LRRC69: variants seen among roughly 807,000 people sequenced by gnomAD.
LRRC69 encodes the protein leucine rich repeat containing 69.
A neutral mutation model predicts 37.8 loss-of-function variants in LRRC69; 42 were observed. The observed-to-expected ratio is 1.11, with a 90% CI of 0.87 to 1.44. The LOEUF (loss-of-function observed/expected upper bound fraction) is 1.44. Among genes scored for constraint, LRRC69 ranks in the 40% most tolerant of loss-of-function variants. The pLI, the probability that LRRC69 is intolerant of heterozygous loss-of-function variation, is 0.00. For missense variants in LRRC69, 357 were observed against 401.9 expected, an observed-to-expected ratio of 0.89 and a Z score of 0.96; for synonymous variants, 141 against 143.1, an observed-to-expected ratio of 0.99 and a Z score of 0.11.
At chr8:91,128,698 T>A (rs1385743135) in intron 3 of LRRC69, among the ~76,000 whole-genome samples, 5 of 152,020 alleles carry the variant, frequency 3.3e-5, no homozygotes, top group Non-Finnish European at 7.4e-5. Context: ...TAAAAGGTAT[T>A]AGGGTTGAGT....
At chr8:91,180,837 G>A (rs532887245) in intron 5 of LRRC69, among the ~76,000 whole-genome samples, 2 of 152,250 alleles carry the variant, frequency 1.3e-5, no homozygotes, top group South Asian at 4.1e-4. Flanking sequence ...TCATAAGAAG[G>A]GGGCTAAAGA....
At chr8:91,185,242 C>A (rs969045643) in intron 5 of LRRC69, among the ~76,000 whole-genome samples, 9 of 152,088 alleles carry the variant, frequency 5.9e-5, no homozygotes, top group African/African-American at 2.2e-4. Flanking sequence ...GGCTTTAAGG[C>A]CTAGGGTACA....
chr8:91,135,775 A>C, intron 5 of LRRC69, 36 bp downstream of exon 5: 1 of 1,217,046 alleles, frequency 8.2e-7, no homozygotes, highest in South Asian at 1.8e-5. Flanking sequence ...ATTGAAAAAT[A>C]ATTTTGTTTA....
At chr8:91,135,212 G>A (rs1813888556) in intron 4 of LRRC69, among the ~76,000 whole-genome samples, 1 of 152,052 alleles carries the variant, frequency 6.6e-6, no homozygotes, top group South Asian at 2.1e-4. Context: ...CTCCCTTCAA[G>A]GATTTGCTGC....
At chr8:91,154,900 AG>A (rs1218959746) in intron 5 of LRRC69, among the ~76,000 whole-genome samples, 1 of 151,628 alleles carries the variant, frequency 6.6e-6, no homozygotes, top group Non-Finnish European at 1.5e-5. Context: ...AAAGAAATAA[AG>A]GGTTTTCAAA....
At position 91,158,382 on chromosome 8, in the gene LRRC69, C is replaced by T. The variant is rs61733743; in HGVS notation, c.651+22643C>T. ...TGGTATTTAGATGACAACATCAAAA[C>T]AAACTCTGATCACCCCAAGAAAGTA... On this transcript the variant is annotated intron_variant, in intron 5 of 7. Coordinates refer to ENST00000448384, the Ensembl canonical transcript of LRRC69. The T allele has an allele frequency of 5.2e-4, 731 of 1,414,148 alleles. 2 individuals carry two copies. In the African/African-American group the frequency reaches 9.4e-3, roughly 18 times the overall value. The allele number at this position is 1,414,148 out of a possible 1,614,324, so 87.6% of individuals were successfully genotyped here.
intron 7 of LRRC69, among the ~76,000 whole-genome samples, chr8:91,214,301 T>C (rs1809997183): frequency 6.6e-6 from 1 of 152,144 alleles, no homozygotes; most frequent in African/African-American, 2.4e-5. Context: ...ATCTTAGACA[T>C]GTTGAGTTTC....
chr8:91,157,908 A>T (rs1217557119), intron 5 of LRRC69: 7 of 1,571,926 alleles, frequency 4.5e-6, no homozygotes, highest in Non-Finnish European at 6.1e-6. Context: ...GGCTCAAAGT[A>T]CAAGAAAGTT....
rs1476110346 is a variant in LRRC69, at chr8:91,157,388, C to G, written c.651+21649C>G. 3 of 1,607,380 alleles carry G rather than the reference C, an allele frequency of 1.9e-6. No individual in the cohort carries two copies. In the African/African-American group the frequency reaches 4.0e-5, roughly 22 times the overall value. ...ACTAATGCAGATCCTGTATGTCTAG[C>G]TAAGATGTATTATTCTGCTGTGGAT... On this transcript the variant is annotated intron_variant, in intron 5 of 7. Transcript: ENST00000448384.
intron 5 of LRRC69, among the ~76,000 whole-genome samples, chr8:91,141,630 T>C (rs546357026): frequency 6.6e-6 from 1 of 152,206 alleles, no homozygotes; most frequent in South Asian, 2.1e-4. Context: ...GATGTTGCTG[T>C]ATAGAAACTT....
chr8:91,164,595 C>G (rs182884540), intron 5 of LRRC69, among the ~76,000 whole-genome samples: 6 of 151,622 alleles, frequency 4.0e-5, no homozygotes, highest in African/African-American at 1.4e-4. Context: ...TATATAAAAA[C>G]AAACAATGGT....
chr8:91,172,759 C>T lies in LRRC69; in HGVS notation c.652-16763C>T, dbSNP rs989586013. Among the ~76,000 whole-genome samples, 10 of 152,018 alleles carry T rather than the reference C, an allele frequency of 6.6e-5. 1 individual carries two copies. Among genetic ancestry groups the T allele is most frequent in the East Asian group, 1.9e-4 (1 of 5,164 alleles). On this transcript the variant is annotated intron_variant, in intron 5 of 7. Transcript: ENST00000448384. The stretch of plus-strand genomic sequence containing the variant: ...CGAATTCCTGACCTCGTGATCAGCC[C>T]GCCTCAGCCTCCCAAAGTGCTGGAA...
intron 5 of LRRC69, among the ~76,000 whole-genome samples, chr8:91,139,464 G>A (rs968204972): frequency 3.3e-5 from 5 of 151,564 alleles, no homozygotes; most frequent in Non-Finnish European, 7.4e-5. Context: ...TAGTAGAGAC[G>A]GAGTTTCTCC....
At position 91,152,666 on chromosome 8, in the gene LRRC69, A is replaced by G. The variant is rs908913255; in HGVS notation, c.651+16927A>G. ...GTAGTTTTCTCTAATTCTGTGAAGAATGTCAATGGTAATTTGATGGGTATA... is the reference window on the plus strand; with the variant it reads ...GTAGTTTTCTCTAATTCTGTGAAGAGTGTCAATGGTAATTTGATGGGTATA... On this transcript the variant is annotated intron_variant, in intron 5 of 7. Transcript: ENST00000448384. Among the ~76,000 whole-genome samples, 3 of 151,688 alleles carry G rather than the reference A, an allele frequency of 2.0e-5. No individual in the cohort carries two copies. The Admixed American group carries it at 2.0e-4, about 10-fold the overall frequency.
intron 1 of LRRC69, among the ~76,000 whole-genome samples, chr8:91,116,613 G>A (rs1030271198): frequency 7.2e-5 from 11 of 151,854 alleles, no homozygotes; most frequent in Admixed American, 2.6e-4. Context: ...TTAAAGATGC[G>A]CAGTGTATTA....
At chr8:91,206,215 A>G (rs886482052) in intron 7 of LRRC69, among the ~76,000 whole-genome samples, 1 of 152,232 alleles carries the variant, frequency 6.6e-6, no homozygotes, top group Non-Finnish European at 1.5e-5. Context: ...TCTATGTATC[A>G]TAAGAAAAAT....
chr8:91,108,596 G>A (rs952636898), intron 1 of LRRC69, among the ~76,000 whole-genome samples: 11 of 152,028 alleles, frequency 7.2e-5, no homozygotes, highest in Admixed American at 3.9e-4. Flanking sequence ...TTGTGAAAAC[G>A]TGCAACTGAG....
chr8:91,153,503 T>A (rs1383604380), intron 5 of LRRC69, among the ~76,000 whole-genome samples: 1 of 151,818 alleles, frequency 6.6e-6, no homozygotes, highest in Non-Finnish European at 1.5e-5. Context: ...ACTGAAATAA[T>A]AACAAACAGT....
At chr8:91,129,634 A>C (rs1479525324) in intron 3 of LRRC69, among the ~76,000 whole-genome samples, 1 of 151,894 alleles carries the variant, frequency 6.6e-6, no homozygotes, top group Non-Finnish European at 1.5e-5. Flanking sequence ...TGCTCCACAC[A>C]TTTTTACTCC....
Sources: gnomAD v4.1 joint callset for allele counts (sites outside exome capture counted in the v4.1 genomes callset) on GRCh38, gnomAD v4.1.1 for gene constraint, MANE v1.5 for transcripts, NCBI Gene and HGNC (gene_info 2026-07-23, HGNC 2026-07-21) for gene names.